AMER3: variants seen among roughly 807,000 people sequenced by gnomAD.
The protein encoded by AMER3 is APC membrane recruitment protein 3, also known as family with sequence similarity 123C.
For synonymous variants in AMER3, 541 were observed against 485.5 expected (o/e 1.11, Z -1.50); for missense variants, 1,201 against 1,139.4 (o/e 1.05, Z -0.78).
Position 130,764,497 on chromosome 2 carries a change from C to A in AMER3, c.2425C>A (p.His809Asn). 1 of 1,600,646 alleles carries A rather than the reference C, an allele frequency of 6.2e-7. No homozygotes were observed. Among genetic ancestry groups the A allele is most frequent in the South Asian group, 1.1e-5 (1 of 89,194 alleles). Reference sequence around the variant, plus strand: ...TGCCCGGTGGAGTTCCCAGGGCCACCATCCAGAAAGCCTGGGCCTCACTTT... The same window carrying A: ...TGCCCGGTGGAGTTCCCAGGGCCACAATCCAGAAAGCCTGGGCCTCACTTT... ...PAARWSSQGH[H>N]PESLGLTLNS... The change falls in exon 2 of 2, where the codon CAT (histidine) becomes AAT (asparagine). Residue 809 changes from histidine (H) to asparagine (N), a missense_variant. By Grantham distance (68) the His-to-Asn change is moderately conservative (BLOSUM62 1). Coordinates refer to ENST00000321420, the MANE Select transcript of AMER3 (RefSeq NM_152698.3).
At chr2:130,755,705 G>C (rs1438041404) in intron 1 of AMER3, 31 bp downstream of exon 1, 1 of 152,360 alleles carries the variant, frequency 6.6e-6, no homozygotes, top group South Asian at 2.1e-4. Flanking sequence ...TGCCTCTTTC[G>C]TTCTCTTAAT....
chr2:130,765,589 T>A lies in AMER3; in HGVS notation c.*931T>A, dbSNP rs1355799475. ...TTGACGTTTTTATACACACGCACAA[T>A]GCTTACACACACAGTCAACCTGGGA... On this transcript the variant is annotated 3_prime_UTR_variant, in exon 2 of 2. Transcript: ENST00000321420. The A allele has an allele frequency of 6.0e-6, 1 of 166,960 alleles. No homozygotes were observed. 10.3% of individuals were successfully genotyped at this position (166,960 alleles called of 1,614,324 possible).
In AMER3 at chr2:130,764,602, T is replaced by C; in HGVS notation, c.2530T>C (p.Cys844Arg). ...CCTCCTGGCCCGTGAGGGCCTCCTC[T>C]GTGGCCAGCCAGAAGTGGGGGCCTC... ...CSLLAREGLL[C>R]GQPEVGASGP... Residue 844 changes from cysteine to arginine, a missense_variant, in exon 2 of 2, where the codon TGT becomes CGT. Physicochemically the swap from Cys to Arg is radical, Grantham distance 180 (BLOSUM62 -3). Transcript: ENST00000321420. 6.2e-7 allele frequency: 1 copy of C among 1,607,372 alleles called. No individual in the cohort carries two copies. Among genetic ancestry groups the C allele is most frequent in the Non-Finnish European group, 8.5e-7 (1 of 1,178,160 alleles).
chr2:130,762,383 C>T lies in AMER3; in HGVS notation c.311C>T (p.Ala104Val), dbSNP rs1334162215. Residue 104 changes from alanine to valine, a missense_variant, in exon 2 of 2, where the codon GCC (alanine) becomes GTC (valine). Transcript: ENST00000321420. ...THDSMSGAGR[A>V]TAATGQLVGS... is the part of the protein sequence containing the mutation. ...GACAGCATGTCTGGGGCAGGCAGGG[C>T]CACGGCTGCCACAGGGCAGCTGGTG... 6.2e-7 allele frequency: 1 copy of T among 1,610,614 alleles called. No homozygotes were observed. The highest frequency in any genetic ancestry group is 1.7e-5 in the Admixed American group (1 of 59,912).
chr2:130,763,668 T>G lies in AMER3; in HGVS notation c.1596T>G (p.Gly532=), dbSNP rs1678881942. 6.6e-7 allele frequency: 1 copy of G among 1,517,428 alleles called. No individual in the cohort carries two copies. The allele number at this position is 1,517,428 out of a possible 1,614,324, so 94.0% of individuals were successfully genotyped here. A position where few individuals can be genotyped will look rare whatever the true frequency, so the allele number is the denominator to read the frequency against. Residue 532 remains glycine (G), a synonymous_variant, in exon 2 of 2, where the codon GGT becomes GGG. Coordinates refer to ENST00000321420, the MANE Select transcript of AMER3 (RefSeq NM_152698.3). The part of the protein sequence containing the change: ...PTPGQPAAPP[G]SQGAPRAPTE... ...CTGGGCAGCCTGCAGCTCCACCTGGTTCCCAGGGAGCCCCTAGGGCACCCA... is the reference window on the plus strand; with the variant it reads ...CTGGGCAGCCTGCAGCTCCACCTGGGTCCCAGGGAGCCCCTAGGGCACCCA...
Position 130,764,271 on chromosome 2 carries a change from C to A in AMER3, c.2199C>A (p.Gly733=), listed in dbSNP as rs1409245612. Residue 733 remains glycine, a synonymous_variant, in exon 2 of 2, where the codon GGC becomes GGA. Transcript: ENST00000321420. ...CCCCCAGCATGACCACCATCCATGG[C>A]CTACCCTACTCAGCCAGCACACAGG... ...SSSPSMTTIH[G]LPYSASTQDQ... The A allele has an allele frequency of 1.2e-6, 2 of 1,609,626 alleles. No individual in the cohort carries two copies. The highest frequency in any genetic ancestry group is 8.5e-7 in the Non-Finnish European group (1 of 1,177,774).
rs781607296 is a variant in AMER3, at chr2:130,763,434, G to A, written c.1362G>A (p.Gly454=). 5 of 1,612,956 alleles carry A rather than the reference G, an allele frequency of 3.1e-6. No homozygotes were observed. The highest frequency in any genetic ancestry group is 4.2e-6 in the Non-Finnish European group (5 of 1,180,018). The change falls in exon 2 of 2, where the codon GGG becomes GGA. Residue 454 remains glycine, a synonymous_variant. Coordinates refer to ENST00000321420, the MANE Select transcript of AMER3 (RefSeq NM_152698.3). ...VSESLSGPAL[G]TPLSICSFRV... ...AGAGTCTGTCAGGGCCGGCCCTGGG[G>A]ACGCCACTGTCCATATGCAGCTTCC... is the stretch of plus-strand genomic sequence containing the variant.
rs1026479279 is a variant in AMER3, at chr2:130,766,357, G to A, written c.*1699G>A. The A allele has an allele frequency of 1.2e-5, 2 of 167,058 alleles. No individual in the cohort carries two copies. The highest frequency in any genetic ancestry group is 2.9e-5 in the Non-Finnish European group (2 of 68,154). 10.3% of individuals were successfully genotyped at this position (167,058 alleles called of 1,614,324 possible). On this transcript the variant is annotated 3_prime_UTR_variant, in exon 2 of 2. Transcript: ENST00000321420. ...GAGGGCCTGAAGGGCGTCCCCTCAG[G>A]AACATTGTATTACTGTTTTGTGTTG...
rs987114836 is a variant in AMER3, at chr2:130,760,621, G to A, written c.-19-1433G>A. Among the ~76,000 whole-genome samples the A allele has an allele frequency of 4.6e-5, 7 of 152,158 alleles. No homozygotes were observed. The East Asian group carries it at 7.7e-4, about 17-fold the overall frequency. On this transcript the variant is annotated intron_variant, in intron 1 of 1. Transcript: ENST00000321420. Reference sequence around the variant, plus strand: ...GTCTCTTCCTGGCCAGACTGACAGAGTACTGACTGTCAGGCCACTCACTAC... The same window carrying A: ...GTCTCTTCCTGGCCAGACTGACAGAATACTGACTGTCAGGCCACTCACTAC...
rs1678812225 is a variant in AMER3, at chr2:130,762,415, G to A, written c.343G>A (p.Ala115Thr). 2 of 1,612,358 alleles carry A rather than the reference G, an allele frequency of 1.2e-6. No individual in the cohort carries two copies. The highest frequency in any genetic ancestry group is 1.7e-5 in the Admixed American group (1 of 59,982). ...TGCCACAGGGCAGCTGGTGGGCAGT[G>A]CAAGCTTCCCGGGCTCCCCGGGCAG... ...TAATGQLVGS[A>T]SFPGSPGSRR... The change falls in exon 2 of 2, where the codon GCA becomes ACA. Residue 115 changes from alanine to threonine, a missense_variant. Ala to Thr is a moderately conservative substitution (Grantham distance 58). Transcript: ENST00000321420.
chr2:130,762,909 G>A lies in AMER3; in HGVS notation c.837G>A (p.Leu279=). 10 of 1,612,966 alleles carry A rather than the reference G, an allele frequency of 6.2e-6. No individual in the cohort carries two copies. The highest frequency in any genetic ancestry group is 8.5e-6 in the Non-Finnish European group (10 of 1,179,776). ...PESPTQAAQG[L]ESKVPRGPLQ... ...GCCCAACCCAGGCTGCTCAGGGCCT[G>A]GAGAGCAAGGTTCCCAGGGGCCCTC... is the stretch of plus-strand genomic sequence containing the variant. The change falls in exon 2 of 2, where the codon CTG becomes CTA. Residue 279 remains leucine, a synonymous_variant. Coordinates refer to ENST00000321420, the MANE Select transcript of AMER3 (RefSeq NM_152698.3).
rs770231839 is a variant in AMER3, at chr2:130,762,641, C to T, written c.569C>T (p.Pro190Leu). Residue 190 changes from proline (P) to leucine (L), a missense_variant, in exon 2 of 2, where the codon CCG (proline) becomes CTG (leucine). By Grantham distance (98) the Pro-to-Leu change is moderately conservative. Transcript: ENST00000321420. ...AAAAGCCTGCCCTCCCCAGGGGACC[C>T]GTCAGACCCTGGGGGGCGGCGAAGC... ...EGKSLPSPGD[P>L]SDPGGRRSKA... The T allele has an allele frequency of 4.3e-6, 7 of 1,611,046 alleles. No homozygotes were observed. Among genetic ancestry groups the T allele is most frequent in the Admixed American group, 3.3e-5 (2 of 59,960 alleles).
intron 1 of AMER3, among the ~76,000 whole-genome samples, chr2:130,760,244 G>A (rs1024030425): frequency 1.3e-5 from 2 of 152,224 alleles, no homozygotes; most frequent in Non-Finnish European, 1.5e-5. Flanking sequence ...AGTCTGAGGT[G>A]CTTCCGAGGA....
rs1574046109 is a variant in AMER3, at chr2:130,765,205, A to G, written c.*547A>G. The G allele has an allele frequency of 6.0e-6, 1 of 168,064 alleles. No individual in the cohort carries two copies. Among genetic ancestry groups the G allele is most frequent in the African/African-American group, 2.4e-5 (1 of 41,576 alleles). The allele number at this position is 168,064 out of a possible 1,614,324, so 10.4% of individuals were successfully genotyped here. On this transcript the variant is annotated 3_prime_UTR_variant, in exon 2 of 2. Coordinates refer to ENST00000321420, the MANE Select transcript of AMER3 (RefSeq NM_152698.3). ...TTTATTTGAGAAACATAAAAACACA[A>G]CAGAACACATCAGCCACTTCACACA...
intron 1 of AMER3, among the ~76,000 whole-genome samples, chr2:130,760,350 C>A (rs1206538031): frequency 6.6e-6 from 1 of 152,244 alleles, no homozygotes; most frequent in African/African-American, 2.4e-5. Context: ...ATTTTCTTGG[C>A]CTCAACGTGC....
Position 130,763,332 on chromosome 2 carries a change from C to T in AMER3, c.1260C>T (p.Asp420=), listed in dbSNP as rs113109165. 66 of 1,613,512 alleles carry T rather than the reference C, an allele frequency of 4.1e-5. No individual in the cohort carries two copies. The African/African-American group carries it at 5.9e-4, about 14-fold the overall frequency. The change falls in exon 2 of 2, where the codon GAC becomes GAT. Residue 420 remains aspartate (D), a synonymous_variant. Coordinates refer to ENST00000321420, the MANE Select transcript of AMER3 (RefSeq NM_152698.3). ...ATFPRDSYSG[D]ALYELFHDPS... is the part of the protein sequence containing the mutation. The stretch of plus-strand genomic sequence containing the variant: ...TCCCACGGGACAGCTACAGTGGGGA[C>T]GCCCTCTACGAGCTCTTCCACGACC...
Position 130,758,778 on chromosome 2 carries a change from G to A in AMER3, c.-20+3104G>A, listed in dbSNP as rs143709986. On this transcript the variant is annotated intron_variant, in intron 1 of 1. Coordinates refer to ENST00000321420, the MANE Select transcript of AMER3 (RefSeq NM_152698.3). ...TGGGGGAGGGATGTGGCACTTGTGG[G>A]AGTGGACCTGTCATGTTTCTTGCTG... Among the ~76,000 whole-genome samples the A allele has an allele frequency of 6.4e-3, 980 of 152,320 alleles. 12 individuals carry two copies. Among genetic ancestry groups the A allele is most frequent in the African/African-American group, 0.022 (904 of 41,578 alleles).
intron 1 of AMER3, among the ~76,000 whole-genome samples, chr2:130,761,519 T>TA (rs142227425): frequency 0.036 from 5,543 of 152,306 alleles, 144 homozygotes; most frequent in Non-Finnish European, 0.057. Context: ...CATCTGTAGA[T>TA]AGAGTCTTGC....
chr2:130,763,320 C>T lies in AMER3; in HGVS notation c.1248C>T (p.Ser416=), dbSNP rs200392623. Residue 416 remains serine, a synonymous_variant, in exon 2 of 2, where the codon AGC becomes AGT. Coordinates refer to ENST00000321420, the MANE Select transcript of AMER3 (RefSeq NM_152698.3). ...CTGCCGCCACCTTCCCACGGGACAGCTACAGTGGGGACGCCCTCTACGAGC... is the reference window on the plus strand; with the variant it reads ...CTGCCGCCACCTTCCCACGGGACAGTTACAGTGGGGACGCCCTCTACGAGC... ...GTPAATFPRD[S]YSGDALYELF... is the part of the protein sequence containing the mutation. The T allele has an allele frequency of 5.0e-6, 8 of 1,613,662 alleles. No individual in the cohort carries two copies. The East Asian group carries it at 1.1e-4, about 22-fold the overall frequency.
Sources: allele counts gnomAD v4.1 joint callset (sites outside exome capture counted in the v4.1 genomes callset), GRCh38; gene constraint gnomAD v4.1.1; transcripts MANE v1.5; gene names NCBI Gene and HGNC (gene_info 2026-07-23, HGNC 2026-07-21).